Variants in PML observed in about 807,000 individuals in gnomAD.
The protein encoded by PML is protein PML.
Under a neutral mutation model 65.2 loss-of-function variants are expected in PML, and 28 were observed. That is an observed-to-expected ratio of 0.43 (90% CI 0.32 to 0.59). The LOEUF (loss-of-function observed/expected upper bound fraction) is 0.59, where lower values mean the gene tolerates loss of function less well. PML is among the 20% of genes least tolerant of loss of function. The probability of loss-of-function intolerance (pLI) is 0.08; values close to 1 mark genes in which losing one functional copy is unlikely to be tolerated. For synonymous variants in PML, 500 were observed against 508.8 expected (o/e 0.98, Z 0.23); for missense variants, 1,021 against 1,203.4 (o/e 0.85, Z 2.24).
At chr15:74,029,586 T>C (rs2071228307) in intron 4 of PML, among the ~76,000 whole-genome samples, 1 of 152,026 alleles carries the variant, frequency 6.6e-6, no homozygotes, top group South Asian at 2.1e-4. Flanking sequence ...ATTATGCCAC[T>C]ATACTCCAGC....
chr15:74,016,478 G>A (rs1488007079), intron 2 of PML, among the ~76,000 whole-genome samples: 2 of 151,984 alleles, frequency 1.3e-5, no homozygotes, highest in Admixed American at 6.6e-5. Flanking sequence ...TCCCAGAGAC[G>A]AGAAAGAGCT....
rs191986778 is a variant in PML, at chr15:73,995,133, G to C, written c.129+192G>C. On this transcript the variant is annotated intron_variant, in intron 1 of 8. Coordinates refer to ENST00000268058, the MANE Select transcript of PML (RefSeq NM_033238.3). ...AGGGAGGGTAGGATAGAGTAGAAAA[G>C]AGGACACGGAGGAGTTGGGGCGGCC... 5.3e-5 allele frequency among the ~76,000 whole-genome samples: 8 copies of C among 152,356 alleles called. No homozygotes were observed. In the East Asian group the frequency reaches 1.5e-3, roughly 29 times the overall value.
At position 74,042,799 on chromosome 15, in the gene PML, CAT is replaced by C. The variant is rs2071723091; in HGVS notation, c.1711-189_1711-188del. On this transcript the variant is annotated intron_variant, in intron 7 of 8. Transcript: ENST00000268058. The surrounding 1 kb of genome is among the most constrained non-coding windows in gnomAD (Gnocchi z 5.3). ...CCCTGGTTCATACATGTAACCCTCA[CAT>C]GTGACACACCCAGTTCACACCCATT... 7.1e-6 allele frequency: 7 copies of C among 985,228 alleles called. No individual in the cohort carries two copies. Among genetic ancestry groups the C allele is most frequent in the Admixed American group, 6.1e-5 (1 of 16,270 alleles). 61.0% of individuals were successfully genotyped at this position (985,228 alleles called of 1,614,324 possible).
intron 2 of PML, among the ~76,000 whole-genome samples, chr15:74,013,621 ATGACTGAATAG>A (rs2070429436): frequency 6.6e-6 from 1 of 152,002 alleles, no homozygotes; most frequent in African/African-American, 2.4e-5. Context: ...CAAATTTGGC[ATGACTGAATAG>A]AAGAGCTGCC....
chr15:74,000,290 G>C (rs1464944636), intron 2 of PML, among the ~76,000 whole-genome samples: 1 of 151,896 alleles, frequency 6.6e-6, no homozygotes, highest in Non-Finnish European at 1.5e-5. Flanking sequence ...ACATCCTCCT[G>C]TATACTTTAT....
chr15:74,044,463 G>A lies in PML; in HGVS notation c.2104G>A (p.Glu702Lys), dbSNP rs780369568. Residue 702 changes from glutamate (E) to lysine (K), a missense_variant, in exon 9 of 9, where the codon GAG (glutamate) becomes AAG (lysine). Coordinates refer to ENST00000268058, the MANE Select transcript of PML (RefSeq NM_033238.3). Reference sequence around the variant, plus strand: ...CATTAACAGGCTGTGGGAATTCCAGGAGGCCATCTCGGGCTTCCTGGCTGC... The same window carrying A: ...CATTAACAGGCTGTGGGAATTCCAGAAGGCCATCTCGGGCTTCCTGGCTGC... ...EDINRLWEFQ[E>K]AISGFLAALP... 6.2e-7 allele frequency: 1 copy of A among 1,614,138 alleles called. No individual in the cohort carries two copies. Among genetic ancestry groups the A allele is most frequent in the Admixed American group, 1.7e-5 (1 of 60,028 alleles).
chr15:74,002,804 A>G (rs1297057584), intron 2 of PML, among the ~76,000 whole-genome samples: 3 of 152,012 alleles, frequency 2.0e-5, no homozygotes, highest in African/African-American at 7.2e-5. Flanking sequence ...TCTAAATGAT[A>G]ATTACAGAGT....
intron 2 of PML, among the ~76,000 whole-genome samples, chr15:74,008,857 T>C (rs2070189913): frequency 1.3e-5 from 2 of 152,102 alleles, no homozygotes; most frequent in Non-Finnish European, 2.9e-5. Context: ...AACAGGGATA[T>C]CAGTATTTCT....
In PML at chr15:74,044,357, G is replaced by T; in HGVS notation, c.1998G>T (p.Leu666=). The T allele has an allele frequency of 6.2e-7, 1 of 1,614,176 alleles. No individual in the cohort carries two copies. The highest frequency in any genetic ancestry group is 1.1e-5 in the South Asian group (1 of 91,080). Residue 666 remains leucine, a synonymous_variant, in exon 9 of 9, where the codon CTG becomes CTT. Transcript: ENST00000268058. ...EVGLQHFLSF[L]SSMRRPILAC... is the part of the protein sequence containing the mutation. ...GGCTGCAGCACTTCCTCAGCTTTCT[G>T]AGCTCCATGCGCCGCCCTATCTTGG... is the stretch of plus-strand genomic sequence containing the variant.
chr15:74,033,723 C>T, intron 6 of PML: 1 of 615,250 alleles, frequency 1.6e-6, no homozygotes, highest in South Asian at 1.9e-5. Flanking sequence ...TTGGCTGATG[C>T]CTAGCATACT....
intron 3 of PML, among the ~76,000 whole-genome samples, chr15:74,024,313 AG>A (rs1026407879): frequency 3.3e-5 from 5 of 152,166 alleles, no homozygotes; most frequent in African/African-American, 1.2e-4. Flanking sequence ...ATAATCTTAG[AG>A]GGCCTGGACC....
At chr15:74,022,247 G>A (rs1203767336) in intron 2 of PML, among the ~76,000 whole-genome samples, 3 of 152,186 alleles carry the variant, frequency 2.0e-5, no homozygotes, top group African/African-American at 4.8e-5. Context: ...GTGAGCCACC[G>A]CGCCCGGCCG....
At chr15:74,022,034 C>T (rs375418786) in intron 2 of PML, among the ~76,000 whole-genome samples, 13 of 152,262 alleles carry the variant, frequency 8.5e-5, no homozygotes, top group East Asian at 3.9e-4. Flanking sequence ...CTGGGCTCAC[C>T]GCAGCCTCCG....
chr15:73,994,958 G>A lies in PML; in HGVS notation c.129+17G>A. 6.6e-7 allele frequency: 1 copy of A among 1,525,732 alleles called. No individual in the cohort carries two copies. The highest frequency in any genetic ancestry group is 8.8e-7 in the Non-Finnish European group (1 of 1,133,576). 94.5% of individuals were successfully genotyped at this position (1,525,732 alleles called of 1,614,324 possible). ...CCTACAGAGGTACTATTGGGTTAGG[G>A]GATGATGGGGTTAAGCTTTGTTGGT... On this transcript the variant is annotated intron_variant, in intron 1 of 8. Transcript: ENST00000268058.
chr15:74,017,547 G>C (rs1268600880), intron 2 of PML, among the ~76,000 whole-genome samples: 1 of 152,098 alleles, frequency 6.6e-6, no homozygotes, highest in Non-Finnish European at 1.5e-5. Flanking sequence ...TGCTTGGGAG[G>C]CTGAGGCAGG....
In PML at chr15:74,047,483, G is replaced by A. The variant is rs2071782569; in HGVS notation, c.*2475G>A. 2 of 225,076 alleles carry A rather than the reference G, an allele frequency of 8.9e-6. No homozygotes were observed. Among genetic ancestry groups the A allele is most frequent in the Non-Finnish European group, 1.8e-5 (2 of 112,932 alleles). 13.9% of individuals were successfully genotyped at this position (225,076 alleles called of 1,614,324 possible). A position where few individuals can be genotyped will look rare whatever the true frequency, so the allele number is the denominator to read the frequency against. Reference sequence around the variant, plus strand: ...GATCCAGTCCCAATATGTCACCTGTGCTTCATCTTTGGACTATATCTCAGG... The same window carrying A: ...GATCCAGTCCCAATATGTCACCTGTACTTCATCTTTGGACTATATCTCAGG... On this transcript the variant is annotated 3_prime_UTR_variant, in exon 9 of 9. Coordinates refer to ENST00000268058, the MANE Select transcript of PML (RefSeq NM_033238.3).
chr15:74,022,095 T>G (rs1290189866), intron 2 of PML, among the ~76,000 whole-genome samples: 1 of 152,130 alleles, frequency 6.6e-6, no homozygotes, highest in South Asian at 2.1e-4. Context: ...GTAGCTGGGA[T>G]TACAGGCATG....
intron 7 of PML, among the ~76,000 whole-genome samples, chr15:74,038,129 G>C (rs1231077385): frequency 2.0e-5 from 3 of 152,076 alleles, no homozygotes; most frequent in African/African-American, 4.8e-5. Context: ...CTGAAATCTG[G>C]GCACTTCTTT....
rs753021611 is a variant in PML, at chr15:74,044,268, C to G, written c.1909C>G (p.Arg637Gly). The G allele has an allele frequency of 6.8e-6, 11 of 1,613,882 alleles. No homozygotes were observed. The highest frequency in any genetic ancestry group is 2.7e-5 in the African/African-American group (2 of 74,900). The stretch of plus-strand genomic sequence containing the variant: ...TGCGGTGAACCGGGAAAGCAAGTTC[C>G]GCGTGGTCATCCAGCCTGAAGCCTT... ...LAAVNRESKF[R>G]VVIQPEAFFS... Residue 637 changes from arginine (R) to glycine (G), a missense_variant, in exon 9 of 9, where the codon CGC (arginine) becomes GGC (glycine). Arg to Gly is a moderately radical substitution (Grantham distance 125). Transcript: ENST00000268058.
Sources: allele counts gnomAD v4.1 joint callset (sites outside exome capture counted in the v4.1 genomes callset), GRCh38; gene constraint gnomAD v4.1.1; non-coding constraint Gnocchi (gnomAD v3.1); transcripts MANE v1.5; gene names NCBI Gene and HGNC (gene_info 2026-07-23, HGNC 2026-07-21).